Variants in TRPM8 observed in about 807,000 individuals in gnomAD.
TRPM8 encodes TRPM8 cationic channel.
In TRPM8, 110 loss-of-function variants were observed where a neutral mutation model predicts 133.7. The observed-to-expected ratio is 0.82, with a 90% confidence interval of 0.70 to 0.96. The LOEUF is 0.96. TRPM8 is among the 40% of genes least tolerant of loss of function. TRPM8 has a pLI of 0.00. For missense variants in TRPM8, 1,291 were observed against 1,379.5 expected, an observed-to-expected ratio of 0.94 and a Z score of 1.02; for synonymous variants, 535 against 532.3, an observed-to-expected ratio of 1.01 and a Z score of -0.07.
chr2:233,970,439 T>C lies in TRPM8; in HGVS notation c.2355+13T>C, dbSNP rs777573975. On this transcript the variant is annotated intron_variant, in intron 17 of 25. Coordinates refer to ENST00000324695, the MANE Select transcript of TRPM8 (RefSeq NM_024080.5). ...TGAAGTGAGACAGGTAGGGCTGCCA[T>C]GACAGCAGGAACCCCCTCGCTTCCT... 2.5e-6 allele frequency: 4 copies of C among 1,612,476 alleles called. No homozygotes were observed. In the South Asian group the frequency reaches 4.4e-5, roughly 18 times the overall value.
At position 233,940,048 on chromosome 2, in the gene TRPM8, G is replaced by GTTTT. The variant is rs34052230; in HGVS notation, c.526+884_526+887dup. 5.5e-4 allele frequency among the ~76,000 whole-genome samples: 76 copies of GTTTT among 138,084 alleles called. 1 individual carries two copies. The South Asian group carries it at 8.6e-3, about 16-fold the overall frequency. The allele number at this position is 138,084 out of a possible 152,430, so 90.6% of individuals were successfully genotyped here. ...TTGTATTCCAAATCGATTTAGCTTT[G>GTTTT]TTTTTTTTTTTTTTCCTTACATTTG... On this transcript the variant is annotated intron_variant, in intron 5 of 25. Coordinates refer to ENST00000324695, the MANE Select transcript of TRPM8 (RefSeq NM_024080.5).
chr2:233,985,140 C>T (rs1460871646), intron 20 of TRPM8, among the ~76,000 whole-genome samples: 1 of 152,120 alleles, frequency 6.6e-6, no homozygotes, highest in Non-Finnish European at 1.5e-5. Context: ...ATCTTATTCT[C>T]CCATTTCCAC....
rs1693015506 is a variant in TRPM8, at chr2:234,018,599, T to A, written c.*1343T>A. 6.6e-6 allele frequency: 1 copy of A among 151,872 alleles called. No homozygotes were observed. Among genetic ancestry groups the A allele is most frequent in the Admixed American group, 6.6e-5 (1 of 15,246 alleles). The allele number at this position is 151,872 out of a possible 1,614,324, so 9.4% of individuals were successfully genotyped here. ...TTAAGAAGAAGTCAATATGCTTATTTAAATATTATGGATGGTGGGCAGATC... is the reference window on the plus strand; with the variant it reads ...TTAAGAAGAAGTCAATATGCTTATTAAAATATTATGGATGGTGGGCAGATC... On this transcript the variant is annotated 3_prime_UTR_variant, in exon 26 of 26. Coordinates refer to ENST00000324695, the MANE Select transcript of TRPM8 (RefSeq NM_024080.5).
Position 234,019,202 on chromosome 2 carries a change from A to T in TRPM8, c.*1946A>T, listed in dbSNP as rs1693032691. 6.6e-6 allele frequency: 1 copy of T among 152,212 alleles called. No homozygotes were observed. The highest frequency in any genetic ancestry group is 1.5e-5 in the Non-Finnish European group (1 of 68,032). 9.4% of individuals were successfully genotyped at this position (152,212 alleles called of 1,614,324 possible). The stretch of plus-strand genomic sequence containing the variant: ...ATGTTTGCAAGGAATTAACACAAAT[A>T]AAAGATGCCTTTTTACTTAAACACC... On this transcript the variant is annotated 3_prime_UTR_variant, in exon 26 of 26. Transcript: ENST00000324695.
At chr2:233,971,279 C>G (rs1021431119) in intron 17 of TRPM8, among the ~76,000 whole-genome samples, 1 of 152,202 alleles carries the variant, frequency 6.6e-6, no homozygotes, top group African/African-American at 2.4e-5. Flanking sequence ...CTTACAGAGT[C>G]ACTGACTCGT....
At chr2:233,924,459 A>G (rs922511742) in intron 1 of TRPM8, among the ~76,000 whole-genome samples, 6 of 151,996 alleles carry the variant, frequency 3.9e-5, no homozygotes, top group South Asian at 4.2e-4. Flanking sequence ...CCTTCTTCCA[A>G]TGCTTCTTTT....
intron 1 of TRPM8, among the ~76,000 whole-genome samples, chr2:233,924,980 G>A (rs766798365): frequency 6.6e-6 from 1 of 152,212 alleles, no homozygotes; most frequent in Non-Finnish European, 1.5e-5. Flanking sequence ...CATTTGGAGT[G>A]CATTTTAAAG....
chr2:233,997,075 G>A (rs17862943), intron 22 of TRPM8, among the ~76,000 whole-genome samples: 1 of 151,986 alleles, frequency 6.6e-6, no homozygotes, highest in Non-Finnish European at 1.5e-5. Flanking sequence ...GACCAGCCTG[G>A]GCAACACGGT....
intron 5 of TRPM8, among the ~76,000 whole-genome samples, chr2:233,941,037 A>G (rs1302359737): frequency 6.6e-6 from 1 of 152,180 alleles, no homozygotes; most frequent in Non-Finnish European, 1.5e-5. Context: ...TCGAAAGGTC[A>G]TCTCTTGGGC....
At chr2:233,970,678 G>A in intron 17 of TRPM8, 1 of 528,564 alleles carries the variant, frequency 1.9e-6, no homozygotes, top group Non-Finnish European at 3.4e-6. Flanking sequence ...AATTAGTCAG[G>A]AATGGGGGAG....
At chr2:234,002,634 C>T (rs1329441708) in intron 22 of TRPM8, among the ~76,000 whole-genome samples, 1 of 152,060 alleles carries the variant, frequency 6.6e-6, no homozygotes, top group Admixed American at 6.6e-5. Flanking sequence ...AGGGGAGGGT[C>T]GTGAGATGCC....
Position 233,930,783 on chromosome 2 carries a change from A to G in TRPM8, c.191+42A>G, listed in dbSNP as rs1053897801. On this transcript the variant is annotated intron_variant, in intron 3 of 25. Coordinates refer to ENST00000324695, the MANE Select transcript of TRPM8 (RefSeq NM_024080.5). ...CCTCCAGTTTTGCTTTCCAAGTTCA[A>G]AAAAATTATCAGCCACCCTTACAAC... The G allele has an allele frequency of 1.3e-5, 18 of 1,429,172 alleles. No individual in the cohort carries two copies. In the East Asian group the frequency reaches 3.0e-4, roughly 24 times the overall value. 88.5% of individuals were successfully genotyped at this position (1,429,172 alleles called of 1,614,324 possible).
Position 234,018,731 on chromosome 2 carries a change from G to A in TRPM8, c.*1475G>A, listed in dbSNP as rs1274422750. 6.6e-6 allele frequency: 1 copy of A among 151,924 alleles called. No homozygotes were observed. The highest frequency in any genetic ancestry group is 2.4e-5 in the African/African-American group (1 of 41,354). 9.4% of individuals were successfully genotyped at this position (151,924 alleles called of 1,614,324 possible). ...GTGGTGGTGCACTCCTGTAATCCCA[G>A]CTACTCAGAAGGCTGAGGTACAAGA... On this transcript the variant is annotated 3_prime_UTR_variant, in exon 26 of 26. Transcript: ENST00000324695.
intron 6 of TRPM8, among the ~76,000 whole-genome samples, chr2:233,944,735 G>A (rs147242320): frequency 7.2e-4 from 110 of 152,140 alleles, no homozygotes; most frequent in African/African-American, 2.6e-3. Flanking sequence ...GAAATGCATA[G>A]CCATATACCT....
At position 233,938,992 on chromosome 2, in the gene TRPM8, C is replaced by T; in HGVS notation, c.349-6C>T. ...TATCCTGATACTTCTGCTTCTCTCC[C>T]CATAGTATATACGTCTGTCCTGCGA... On this transcript the variant is annotated splice_polypyrimidine_tract_variant and splice_region_variant and intron_variant, in intron 4 of 25. Transcript: ENST00000324695. The T allele has an allele frequency of 5.0e-6, 8 of 1,614,132 alleles. No homozygotes were observed. Among genetic ancestry groups the T allele is most frequent in the Middle Eastern group, 3.3e-4 (2 of 6,062 alleles).
In TRPM8 at chr2:233,971,743, G is replaced by A. The variant is rs563717998; in HGVS notation, c.2355+1317G>A. Among the ~76,000 whole-genome samples the A allele has an allele frequency of 2.1e-3, 313 of 152,256 alleles. 2 individuals are homozygous for A. Among genetic ancestry groups the A allele is most frequent in the African/African-American group, 7.3e-3 (304 of 41,556 alleles). On this transcript the variant is annotated intron_variant, in intron 17 of 25. Transcript: ENST00000324695. ...AGGAGTGAAGCTGCAGACCTTTGCGGTGAGTGTTACAGCTCATAAAAGCAG... is the reference window on the plus strand; with the variant it reads ...AGGAGTGAAGCTGCAGACCTTTGCGATGAGTGTTACAGCTCATAAAAGCAG...
chr2:233,969,848 C>A, intron 16 of TRPM8, 41 bp downstream of exon 16: 1 of 1,265,312 alleles, frequency 7.9e-7, no homozygotes, highest in Non-Finnish European at 1.2e-6. Context: ...GTGTGTGTGC[C>A]AGTGTGTGTA....
chr2:233,973,333 G>A (rs1691780089), intron 17 of TRPM8, among the ~76,000 whole-genome samples: 1 of 152,218 alleles, frequency 6.6e-6, no homozygotes, highest in Admixed American at 6.5e-5. Flanking sequence ...GCTGTCAGCA[G>A]GGCTGACTCC....
intron 22 of TRPM8, among the ~76,000 whole-genome samples, chr2:234,000,691 T>G (rs1008275854): frequency 1.3e-5 from 2 of 151,600 alleles, no homozygotes; most frequent in African/African-American, 4.8e-5. Context: ...CTTTTTTTTT[T>G]TTTCGGAAAT....
Sources: allele counts gnomAD v4.1 joint callset (sites outside exome capture counted in the v4.1 genomes callset), GRCh38; gene constraint gnomAD v4.1.1; transcripts MANE v1.5; gene names NCBI Gene and HGNC (gene_info 2026-07-23, HGNC 2026-07-21).